The following CALN1 variants were observed in gnomAD, a reference collection of about 807,000 sequenced individuals.
CALN1 encodes the protein calcium-binding protein 8.
In CALN1, 17 loss-of-function variants were observed where a neutral mutation model predicts 30.6. The ratio of observed to expected loss-of-function variants is 0.56; its 90% confidence interval spans 0.38 to 0.83. The LOEUF is 0.83. Among genes scored for constraint, CALN1 ranks in the 40% least tolerant of loss-of-function variants. CALN1 has a pLI of 0.00. For missense variants in CALN1, 291 were observed against 354.9 expected (o/e 0.82, Z 1.45); for synonymous variants, 156 against 131.4 (o/e 1.19, Z -1.28).
chr7:72,159,042 G>A (rs1298178392), intron 3 of CALN1, among the ~76,000 whole-genome samples: 1 of 151,708 alleles, frequency 6.6e-6, no homozygotes, highest in African/African-American at 2.4e-5. Flanking sequence ...TAGTAGAGAT[G>A]GGGTTTCTCC....
intron 2 of CALN1, among the ~76,000 whole-genome samples, chr7:72,378,452 AT>A (rs1221912564): frequency 2.0e-5 from 3 of 151,904 alleles, no homozygotes; most frequent in African/African-American, 7.3e-5. Flanking sequence ...GATTCTGACC[AT>A]TTTTTCAGGA....
Position 72,292,748 on chromosome 7 carries a change from G to A in CALN1, c.120-13938C>T, listed in dbSNP as rs547904608. ...AGGCAGGAGAATCACTTGAACCTGG[G>A]AGGTGAAGGTTACAGTGAGCCGAGA... On this transcript the variant is annotated intron_variant, in intron 2 of 6. Coordinates refer to ENST00000395275, the MANE Select transcript of CALN1 (RefSeq NM_031468.4). Among the ~76,000 whole-genome samples the A allele has an allele frequency of 5.9e-4, 87 of 148,462 alleles. 1 individual carries two copies. The South Asian group carries it at 0.018, about 31-fold the overall frequency.
At chr7:72,453,184 C>A in the CALN1 span, among the ~76,000 whole-genome samples, 7 of 152,190 alleles carry the variant, frequency 4.6e-5, no homozygotes, top group Non-Finnish European at 8.8e-5. Flanking sequence ...TGGGAAGTTT[C>A]TTGGCTTCAC....
At chr7:72,209,282 TTCCTTCCC>T (rs1792170470) in intron 3 of CALN1, among the ~76,000 whole-genome samples, 1 of 98,878 alleles carries the variant, frequency 1.0e-5, no homozygotes, top group African/African-American at 4.3e-5. Flanking sequence ...CCTTCCCTCT[TTCCTTCCC>T]TCCTTCCCTC....
intron 3 of CALN1, among the ~76,000 whole-genome samples, chr7:72,227,651 T>TG (rs1285668257): frequency 0.012 from 1,830 of 152,244 alleles, 32 homozygotes; most frequent in African/African-American, 0.042. Context: ...GCTCACTACC[T>TG]GAGTGAGAGG....
At chr7:72,196,789 A>G (rs1206711501) in intron 3 of CALN1, among the ~76,000 whole-genome samples, 3 of 152,070 alleles carry the variant, frequency 2.0e-5, no homozygotes, top group African/African-American at 7.2e-5. Flanking sequence ...TTTCATCCTC[A>G]TGAGTTAGAT....
chr7:72,263,146 T>C (rs1377019989), intron 3 of CALN1, among the ~76,000 whole-genome samples: 1 of 152,200 alleles, frequency 6.6e-6, no homozygotes, highest in Non-Finnish European at 1.5e-5. Context: ...ATCATCATCA[T>C]AACAATAACA....
intron 5 of CALN1, among the ~76,000 whole-genome samples, chr7:72,010,464 A>C (rs911235744): frequency 6.6e-6 from 1 of 152,202 alleles, no homozygotes; most frequent in African/African-American, 2.4e-5. Flanking sequence ...GATGAAGCCC[A>C]AAATTCCAAA....
chr7:72,278,503 AC>A (rs1797507452), intron 3 of CALN1, among the ~76,000 whole-genome samples, 182 bp downstream of exon 3: 1 of 151,826 alleles, frequency 6.6e-6, no homozygotes, highest in Non-Finnish European at 1.5e-5. Context: ...ACACACACAC[AC>A]ACACACACAC....
At chr7:72,196,939 A>G (rs1459256984) in intron 3 of CALN1, among the ~76,000 whole-genome samples, 1 of 152,152 alleles carries the variant, frequency 6.6e-6, no homozygotes, top group East Asian at 1.9e-4. Context: ...CTTGGAGGGT[A>G]CATTAAGATT....
chr7:71,972,956 A>G (rs1797921909), intron 5 of CALN1, among the ~76,000 whole-genome samples: 1 of 152,176 alleles, frequency 6.6e-6, no homozygotes, highest in Non-Finnish European at 1.5e-5. Flanking sequence ...TTCTATAAAC[A>G]TTGAGCCCCA....
chr7:72,018,948 T>A (rs891749892), intron 5 of CALN1, among the ~76,000 whole-genome samples: 7 of 152,074 alleles, frequency 4.6e-5, no homozygotes, highest in African/African-American at 1.4e-4. Context: ...ATGATTCTCA[T>A]GCTTCAGCCT....
chr7:72,163,496 T>C (rs1486245290), intron 3 of CALN1, among the ~76,000 whole-genome samples: 2 of 151,398 alleles, frequency 1.3e-5, no homozygotes, highest in African/African-American at 4.9e-5. Flanking sequence ...AGATAAGGAC[T>C]TTAAAAGAGG....
intron 2 of CALN1, among the ~76,000 whole-genome samples, chr7:72,380,227 C>T (rs141522126): frequency 1.8e-4 from 28 of 152,240 alleles, no homozygotes; most frequent in Non-Finnish European, 3.2e-4. Context: ...AATCAGCAAA[C>T]GCCAAGCTTC....
intron 2 of CALN1, among the ~76,000 whole-genome samples, chr7:72,356,649 AAT>A (rs1403303153): frequency 6.6e-6 from 1 of 152,046 alleles, no homozygotes; most frequent in Non-Finnish European, 1.5e-5. Flanking sequence ...ATAGGCTCAA[AAT>A]ATATAAAGCA....
intron 6 of CALN1, among the ~76,000 whole-genome samples, chr7:71,788,230 T>G (rs1793089253): frequency 6.6e-6 from 1 of 152,192 alleles, no homozygotes; most frequent in African/African-American, 2.4e-5. Context: ...ATATGGGACA[T>G]TCCAGGGTGA....
rs532326557 is a variant in CALN1, at chr7:72,292,223, C to T, written c.120-13413G>A. Reference sequence around the variant, plus strand: ...CAACAAACATTTATTTCTCATGGTTCTCAAGCCTGGAAGGCCAAAATCAGG... The same window carrying T: ...CAACAAACATTTATTTCTCATGGTTTTCAAGCCTGGAAGGCCAAAATCAGG... On this transcript the variant is annotated intron_variant, in intron 2 of 6. Coordinates refer to ENST00000395275, the MANE Select transcript of CALN1 (RefSeq NM_031468.4). 1.4e-4 allele frequency among the ~76,000 whole-genome samples: 22 copies of T among 151,886 alleles called. No individual in the cohort carries two copies. The East Asian group carries it at 4.3e-3, about 30-fold the overall frequency.
intron 1 of CALN1, among the ~76,000 whole-genome samples, chr7:72,432,747 G>A (rs1222866563): frequency 6.6e-6 from 1 of 152,084 alleles, no homozygotes; most frequent in East Asian, 1.9e-4. Flanking sequence ...CCTAAATGTT[G>A]GGTTTCTGCA....
chr7:71,899,656 A>G (rs1793742164), intron 5 of CALN1, among the ~76,000 whole-genome samples: 1 of 152,202 alleles, frequency 6.6e-6, no homozygotes, highest in Non-Finnish European at 1.5e-5. Flanking sequence ...TAGAAAAAAA[A>G]TCACTCTAAA....
Sources: gnomAD v4.1 joint callset for allele counts (sites outside exome capture counted in the v4.1 genomes callset) on GRCh38, gnomAD v4.1.1 for gene constraint, MANE v1.5 for transcripts, NCBI Gene and HGNC (gene_info 2026-07-23, HGNC 2026-07-21) for gene names.